TRHDE: variants seen among roughly 807,000 people sequenced by gnomAD.
The protein encoded by TRHDE is thyrotropin releasing hormone degrading enzyme.
In TRHDE, 72 loss-of-function variants were observed where a neutral mutation model predicts 125.7. That is an observed-to-expected ratio of 0.57 (90% CI 0.47 to 0.70). The LOEUF (loss-of-function observed/expected upper bound fraction) is 0.70. Ranked by LOEUF, TRHDE falls within the 30% of genes least tolerant of loss-of-function variation. The pLI, the probability that TRHDE is intolerant of heterozygous loss-of-function variation, is 0.00. For missense variants in TRHDE, 1,110 were observed against 1,327.1 expected (o/e 0.84, Z 2.54); for synonymous variants, 509 against 509.1 (o/e 1.00, Z 0.00).
chr12:72,484,151 C>T (rs1414763804), intron 5 of TRHDE, among the ~76,000 whole-genome samples: 1 of 151,920 alleles, frequency 6.6e-6, no homozygotes, highest in Non-Finnish European at 1.5e-5. Context: ...TACATTTTGT[C>T]AAATATTAAA....
intron 12 of TRHDE, among the ~76,000 whole-genome samples, chr12:72,592,314 A>G (rs1199470281): frequency 6.6e-6 from 1 of 152,022 alleles, no homozygotes; most frequent in Non-Finnish European, 1.5e-5. Context: ...ATGTTTCTAT[A>G]TTTCTTCTGA....
chr12:72,271,548 G>A (rs1825570477), upstream of TRHDE, among the ~76,000 whole-genome samples: 1 of 152,112 alleles, frequency 6.6e-6, no homozygotes, highest in Non-Finnish European at 1.5e-5. Context: ...GTGTGACAGA[G>A]CGGAGAAAAG....
intron 7 of TRHDE, among the ~76,000 whole-genome samples, chr12:72,557,540 A>G (rs1382839249): frequency 6.6e-6 from 1 of 152,156 alleles, no homozygotes; most frequent in Non-Finnish European, 1.5e-5. Flanking sequence ...TTAATCCTCT[A>G]TCCTAGCATG....
intron 12 of TRHDE, among the ~76,000 whole-genome samples, chr12:72,580,730 A>G (rs2136035323): frequency 6.6e-6 from 1 of 152,292 alleles, no homozygotes; most frequent in East Asian, 1.9e-4. Context: ...CGTGAGCCAC[A>G]GTGCCTTGCC....
In TRHDE at chr12:72,273,298, C is replaced by T; in HGVS notation, c.655C>T (p.Arg219Trp). The change falls in exon 1 of 19, where the codon CGG (arginine) becomes TGG (tryptophan). Residue 219 changes from arginine (R) to tryptophan (W), a missense_variant. By Grantham distance (101) the Arg-to-Trp change is moderately radical. Transcript: ENST00000261180. The surrounding 1 kb of genome is among the most constrained non-coding windows in gnomAD (Gnocchi z 5.3). ...SGEVNVEIAC[R>W]NATRYVVLHA... ...GGAGGTCAACGTGGAGATCGCGTGC[C>T]GGAACGCCACCCGCTACGTAGTGCT... 2 of 1,613,648 alleles carry T rather than the reference C, an allele frequency of 1.2e-6. No individual in the cohort carries two copies. The highest frequency in any genetic ancestry group is 1.7e-6 in the Non-Finnish European group (2 of 1,179,910).
At chr12:72,321,251 C>A (rs1869077448) in intron 2 of TRHDE, among the ~76,000 whole-genome samples, 1 of 152,112 alleles carries the variant, frequency 6.6e-6, no homozygotes, top group Admixed American at 6.6e-5. Context: ...CAGAAGGGGG[C>A]AAATGCCCTG....
At chr12:72,258,906 A>G (rs1167439528) in intron 2 of TRHDE, among the ~76,000 whole-genome samples, 3 of 152,276 alleles carry the variant, frequency 2.0e-5, no homozygotes. Flanking sequence ...TTCTCATTGC[A>G]TTTGATTAGG....
chr12:72,096,619 A>G (rs556149842), intron 1 of TRHDE, among the ~76,000 whole-genome samples: 397 of 152,306 alleles, frequency 2.6e-3, no homozygotes, highest in African/African-American at 9.0e-3. Context: ...CCAGTCCTCC[A>G]TCTTGCTTCC....
intron 2 of TRHDE, among the ~76,000 whole-genome samples, chr12:72,202,430 G>GT (rs1877578758): frequency 6.6e-6 from 1 of 152,156 alleles, no homozygotes; most frequent in African/African-American, 2.4e-5. Context: ...ATTAATTTTT[G>GT]TTTTTATAAG....
At chr12:72,157,964 G>A (rs1246738208) in intron 2 of TRHDE, among the ~76,000 whole-genome samples, 3 of 152,150 alleles carry the variant, frequency 2.0e-5, no homozygotes, top group African/African-American at 7.2e-5. Flanking sequence ...TGAGAAAGGT[G>A]TGGCATCTCA....
chr12:72,321,589 G>T (rs528010282), intron 2 of TRHDE, among the ~76,000 whole-genome samples: 4 of 152,018 alleles, frequency 2.6e-5, no homozygotes, highest in East Asian at 3.9e-4. Context: ...AGAAAGTAAA[G>T]GTGCGTTTAT....
intron 5 of TRHDE, among the ~76,000 whole-genome samples, chr12:72,494,207 C>A (rs1273244199): frequency 6.6e-6 from 1 of 151,994 alleles, no homozygotes; most frequent in Non-Finnish European, 1.5e-5. Context: ...TGGCAGATAT[C>A]CAGTCTGGAG....
At chr12:72,478,518 T>TA (rs5799076) in intron 5 of TRHDE, among the ~76,000 whole-genome samples, 59,601 of 152,016 alleles carry the variant, frequency 0.39, 14,344 homozygotes, top group African/African-American at 0.67. Flanking sequence ...AACGTCTTTT[T>TA]AAGAATAGAA....
chr12:72,379,986 C>T (rs61926584), intron 3 of TRHDE, among the ~76,000 whole-genome samples: 1 of 152,156 alleles, frequency 6.6e-6, no homozygotes, highest in Admixed American at 6.5e-5. Context: ...ATAAAAACCC[C>T]TAAGCACATA....
chr12:72,478,541 G>A lies in TRHDE; in HGVS notation c.1584+5361G>A, dbSNP rs77704970. Among the ~76,000 whole-genome samples the A allele has an allele frequency of 8.2e-3, 1,248 of 152,074 alleles. 28 individuals are homozygous for A. Among genetic ancestry groups the A allele is most frequent in the South Asian group, 0.022 (104 of 4,816 alleles). ...TTTAAGAATAGAAACATGTTTTTCC[G>A]TTTAAGAGGAACTGGGGACCTGCAG... On this transcript the variant is annotated intron_variant, in intron 5 of 18. Coordinates refer to ENST00000261180, the MANE Select transcript of TRHDE (RefSeq NM_013381.3).
chr12:72,250,837 G>GATATATATATATATATAT (rs376713479), intron 2 of TRHDE, among the ~76,000 whole-genome samples: 2,767 of 117,472 alleles, frequency 0.024, 74 homozygotes, highest in Non-Finnish European at 0.032. Context: ...ATGACTTACA[G>GATATATATATATATATAT]ATATATATAT....
At chr12:72,258,368 C>T (rs556400410) in intron 2 of TRHDE, 2 of 152,178 alleles carry the variant, frequency 1.3e-5, no homozygotes, top group African/African-American at 4.8e-5. Flanking sequence ...AACAGTAAAA[C>T]CTGTTTTGAA....
chr12:72,417,742 A>G (rs1565733727), intron 3 of TRHDE, among the ~76,000 whole-genome samples: 1 of 152,030 alleles, frequency 6.6e-6, no homozygotes, highest in Non-Finnish European at 1.5e-5. Flanking sequence ...TTTCCTAACC[A>G]ACTAAATAAG....
At chr12:72,434,862 G>C (rs2090490632) in intron 3 of TRHDE, among the ~76,000 whole-genome samples, 1 of 152,112 alleles carries the variant, frequency 6.6e-6, no homozygotes. Flanking sequence ...GTTCCCCCAC[G>C]TTTCTCCCTT....
Sources: gnomAD v4.1 joint callset for allele counts (sites outside exome capture counted in the v4.1 genomes callset) on GRCh38, gnomAD v4.1.1 for gene constraint, Gnocchi (gnomAD v3.1) non-coding constraint, MANE v1.5 for transcripts, NCBI Gene and HGNC (gene_info 2026-07-23, HGNC 2026-07-21) for gene names.